The following BRIP1 variants were observed in gnomAD, a reference collection of about 807,000 sequenced individuals.
BRIP1 encodes BRCA1 interacting DNA helicase 1.
BRIP1 carries 88 observed loss-of-function variants against 119.7 expected under a neutral mutation model. The observed-to-expected ratio is 0.74, with a 90% CI of 0.62 to 0.88. The LOEUF is 0.88. Among genes scored for constraint, BRIP1 ranks in the 40% least tolerant of loss-of-function variants. BRIP1 has a pLI of 0.00. For missense variants in BRIP1, 1,259 were observed against 1,455.4 expected (o/e 0.87, Z 2.20); for synonymous variants, 443 against 496.5 (o/e 0.89, Z 1.43).
In BRIP1 at chr17:61,691,863, A is replaced by C. The variant is rs2061451400; in HGVS notation, c.2575+1567T>G. Among the ~76,000 whole-genome samples, 2 of 152,362 alleles carry C rather than the reference A, an allele frequency of 1.3e-5. No homozygotes were observed. The highest frequency in any genetic ancestry group is 4.1e-4 in the South Asian group (2 of 4,828). ...ACCTCCCGATTATAAAATACATTAC[A>C]CAGCTGTAGTAGTCAAAAAAGTATG... is the stretch of plus-strand genomic sequence containing the variant. On this transcript the variant is annotated intron_variant, in intron 18 of 19. Transcript: ENST00000259008. The surrounding 1 kb of genome is among the most constrained non-coding windows in gnomAD (Gnocchi z 5.0).
rs566568039 is a variant in BRIP1 at position 61,824,346 on chromosome 17, C to T, written c.628-15589G>A. 6.6e-6 allele frequency among the ~76,000 whole-genome samples: 1 copy of T among 152,204 alleles called. No individual in the cohort carries two copies. Among genetic ancestry groups the T allele is most frequent in the South Asian group, 2.1e-4 (1 of 4,826 alleles). On this transcript the variant is annotated intron_variant, in intron 6 of 19. Coordinates refer to ENST00000259008, the MANE Select transcript of BRIP1 (RefSeq NM_032043.3). This position sits in a 1 kb window ranked among gnomAD's most constrained non-coding sequence, Gnocchi z 4.3. The stretch of plus-strand genomic sequence containing the variant: ...ATTCACATGGATTCTCAAGGAACCC[C>T]GAATAACCACAATAATCTTGAAAAA...
rs2077517930 is a variant in BRIP1, at chr17:61,775,400, G to A, written c.2097+1001C>T. 6.6e-6 allele frequency among the ~76,000 whole-genome samples: 1 copy of A among 152,102 alleles called. No individual in the cohort carries two copies. Among genetic ancestry groups the A allele is most frequent in the South Asian group, 2.1e-4 (1 of 4,826 alleles). On this transcript the variant is annotated intron_variant, in intron 14 of 19. Transcript: ENST00000259008. The surrounding 1 kb of genome is among the most constrained non-coding windows in gnomAD (Gnocchi z 4.4). ...ATATATATAAAAAGACAGTAGAAGA[G>A]TCAAAAGTATCAATATTGTCATTCA... is the stretch of plus-strand genomic sequence containing the variant.
Position 61,759,303 on chromosome 17 carries a change from G to A in BRIP1, c.2098-14712C>T, listed in dbSNP as rs2077243725. Among the ~76,000 whole-genome samples, 1 of 151,992 alleles carries A rather than the reference G, an allele frequency of 6.6e-6. No homozygotes were observed. Among genetic ancestry groups the A allele is most frequent in the African/African-American group, 2.4e-5 (1 of 41,478 alleles). ...ACTTACATAAGACAAAATAGACTAA[G>A]TCAAATACTGTAAAAAGAAACAACG... On this transcript the variant is annotated intron_variant, in intron 14 of 19. Coordinates refer to ENST00000259008, the MANE Select transcript of BRIP1 (RefSeq NM_032043.3). The surrounding 1 kb of genome is among the most constrained non-coding windows in gnomAD (Gnocchi z 4.9).
At chr17:61,719,653 A>T (rs2061939580) in intron 16 of BRIP1, among the ~76,000 whole-genome samples, 1 of 151,430 alleles carries the variant, frequency 6.6e-6, no homozygotes, top group African/African-American at 2.4e-5. Flanking sequence ...TGAACCCAGG[A>T]GGCGGAGGTT....
rs2144807903 is a variant in BRIP1, at chr17:61,756,985, T to G, written c.2098-12394A>C. Among the ~76,000 whole-genome samples, 1 of 152,354 alleles carries G rather than the reference T, an allele frequency of 6.6e-6. No homozygotes were observed. Among genetic ancestry groups the G allele is most frequent in the East Asian group, 1.9e-4 (1 of 5,186 alleles). On this transcript the variant is annotated intron_variant, in intron 14 of 19. Coordinates refer to ENST00000259008, the MANE Select transcript of BRIP1 (RefSeq NM_032043.3). This position sits in a 1 kb window ranked among gnomAD's most constrained non-coding sequence, Gnocchi z 4.3. The stretch of plus-strand genomic sequence containing the variant: ...AATCTTACTCACATAATTTATTTCA[T>G]AAGTAGAACCTGGTATATTTTTCCA...
rs561748464 is a variant in BRIP1, at chr17:61,799,704, T to C, written c.1141-405A>G. Among the ~76,000 whole-genome samples the C allele has an allele frequency of 1.1e-4, 16 of 152,144 alleles. No homozygotes were observed. The East Asian group carries it at 1.5e-3, about 15-fold the overall frequency. ...ATTAAAAGCATAAGACCTTTAAAAGTAAAATAACAATACAAGATTAAAAGC... is the reference window on the plus strand; with the variant it reads ...ATTAAAAGCATAAGACCTTTAAAAGCAAAATAACAATACAAGATTAAAAGC... On this transcript the variant is annotated intron_variant, in intron 8 of 19. Transcript: ENST00000259008. The surrounding 1 kb of genome is among the most constrained non-coding windows in gnomAD (Gnocchi z 5.1).
rs1056828398 is a variant in BRIP1, at chr17:61,810,572, T to C, written c.628-1815A>G. 1.3e-5 allele frequency among the ~76,000 whole-genome samples: 2 copies of C among 152,228 alleles called. No individual in the cohort carries two copies. Among genetic ancestry groups the C allele is most frequent in the South Asian group, 2.1e-4 (1 of 4,836 alleles). On this transcript the variant is annotated intron_variant, in intron 6 of 19. Transcript: ENST00000259008. This position sits in a 1 kb window ranked among gnomAD's most constrained non-coding sequence, Gnocchi z 4.7. ...AATGCTATGGCCCAATGCACTGTTA[T>C]GTACTATATAGATACATTCTATCTA...
At chr17:61,785,542 A>G (rs187253367) in intron 10 of BRIP1, among the ~76,000 whole-genome samples, 1 of 152,318 alleles carries the variant, frequency 6.6e-6, no homozygotes, top group African/African-American at 2.4e-5. Flanking sequence ...ATACAAATCT[A>G]TAAGAGTAAA....
intron 17 of BRIP1, among the ~76,000 whole-genome samples, chr17:61,711,157 A>C (rs1378023371): frequency 6.6e-6 from 1 of 152,160 alleles, no homozygotes; most frequent in Non-Finnish European, 1.5e-5. Context: ...GAATCAAATG[A>C]GATAATATAT....
At position 61,744,292 on chromosome 17, in the gene BRIP1, C is replaced by A. The variant is rs2077027178; in HGVS notation, c.2257+140G>T. On this transcript the variant is annotated intron_variant, in intron 15 of 19. Transcript: ENST00000259008. The surrounding 1 kb of genome is among the most constrained non-coding windows in gnomAD (Gnocchi z 5.0). Reference sequence around the variant, plus strand: ...AAGTACAATTAAAAGAATTTCTTTACCCAATTTATTTTCTTTTCACTCAGG... The same window carrying A: ...AAGTACAATTAAAAGAATTTCTTTAACCAATTTATTTTCTTTTCACTCAGG... 1.1e-6 allele frequency: 1 copy of A among 919,562 alleles called. No individual in the cohort carries two copies. 57.0% of individuals were successfully genotyped at this position (919,562 alleles called of 1,614,324 possible). A position where few individuals can be genotyped will look rare whatever the true frequency, so the allele number is the denominator to read the frequency against.
rs780863136 is a variant in BRIP1, at chr17:61,860,237, G to T, written c.94-330C>A. 1.2e-4 allele frequency among the ~76,000 whole-genome samples: 18 copies of T among 152,238 alleles called. No individual in the cohort carries two copies. Among genetic ancestry groups the T allele is most frequent in the Admixed American group, 2.6e-4 (4 of 15,290 alleles). ...GAAAACTTAATGAAGGATACTGCTA[G>T]TGAGAGTACAAATTGTTACAACTAC... On this transcript the variant is annotated intron_variant, in intron 2 of 19. Coordinates refer to ENST00000259008, the MANE Select transcript of BRIP1 (RefSeq NM_032043.3). This position sits in a 1 kb window ranked among gnomAD's most constrained non-coding sequence, Gnocchi z 4.1.
rs1174391683 is a variant in BRIP1 at position 61,846,620 on chromosome 17, C to G, written c.627+481G>C. 3.3e-5 allele frequency among the ~76,000 whole-genome samples: 5 copies of G among 152,160 alleles called. No individual in the cohort carries two copies. Among genetic ancestry groups the G allele is most frequent in the African/African-American group, 7.2e-5 (3 of 41,426 alleles). Reference sequence around the variant, plus strand: ...CAGGCTGGTTTCAAACTCGTGAACTCAAGTGATCCACCCGCCTTGGCCTCC... The same window carrying G: ...CAGGCTGGTTTCAAACTCGTGAACTGAAGTGATCCACCCGCCTTGGCCTCC... On this transcript the variant is annotated intron_variant, in intron 6 of 19. Transcript: ENST00000259008. The surrounding 1 kb of genome is among the most constrained non-coding windows in gnomAD (Gnocchi z 4.3).
In BRIP1 at chr17:61,684,285, A is replaced by T. The variant is rs925680780; in HGVS notation, c.2906-145T>A. ...CCCCAACGAATACTAGTGGATTTTC[A>T]TCTTGGAACAGAATATTAACTCTGA... On this transcript the variant is annotated intron_variant, in intron 19 of 19. Coordinates refer to ENST00000259008, the MANE Select transcript of BRIP1 (RefSeq NM_032043.3). The surrounding 1 kb of genome is among the most constrained non-coding windows in gnomAD (Gnocchi z 4.5). 1.1e-6 allele frequency: 1 copy of T among 930,828 alleles called. No homozygotes were observed. Among genetic ancestry groups the T allele is most frequent in the African/African-American group, 1.7e-5 (1 of 59,722 alleles). 57.7% of individuals were successfully genotyped at this position (930,828 alleles called of 1,614,324 possible).
Position 61,809,079 on chromosome 17 carries a change from G to A in BRIP1, c.628-322C>T, listed in dbSNP as rs1177537410. ...TAAATTATAAAAATGATAAAACAAA[G>A]TAGGAACAATTTTAATTTTTTCTTA... On this transcript the variant is annotated intron_variant, in intron 6 of 19. Coordinates refer to ENST00000259008, the MANE Select transcript of BRIP1 (RefSeq NM_032043.3). The surrounding 1 kb of genome is among the most constrained non-coding windows in gnomAD (Gnocchi z 5.2). Among the ~76,000 whole-genome samples the A allele has an allele frequency of 6.6e-6, 1 of 152,056 alleles. No homozygotes were observed. The highest frequency in any genetic ancestry group is 2.4e-5 in the African/African-American group (1 of 41,402).
intron 16 of BRIP1, among the ~76,000 whole-genome samples, chr17:61,731,859 T>C (rs1000558190): frequency 1.3e-5 from 2 of 151,350 alleles, no homozygotes; most frequent in Non-Finnish European, 2.9e-5. Context: ...AACTGTGTTG[T>C]GTATCACTCT....
In BRIP1 at chr17:61,802,160, G is replaced by A. The variant is rs1446224816; in HGVS notation, c.919-686C>T. Among the ~76,000 whole-genome samples the A allele has an allele frequency of 2.6e-5, 4 of 152,070 alleles. No individual in the cohort carries two copies. Among genetic ancestry groups the A allele is most frequent in the African/African-American group, 4.8e-5 (2 of 41,388 alleles). On this transcript the variant is annotated intron_variant, in intron 7 of 19. Coordinates refer to ENST00000259008, the MANE Select transcript of BRIP1 (RefSeq NM_032043.3). This position sits in a 1 kb window ranked among gnomAD's most constrained non-coding sequence, Gnocchi z 6.0. Reference sequence around the variant, plus strand: ...GTGTATATAAGGATATCTCTACAATGTGACCCAATATTAAAATAACAAGAA... The same window carrying A: ...GTGTATATAAGGATATCTCTACAATATGACCCAATATTAAAATAACAAGAA...
rs150599048 is a variant in BRIP1 at position 61,697,853 on chromosome 17, T to C, written c.2493-4341A>G. Among the ~76,000 whole-genome samples the C allele has an allele frequency of 8.6e-4, 131 of 152,220 alleles. No homozygotes were observed. In the East Asian group the frequency reaches 0.021, roughly 24 times the overall value. On this transcript the variant is annotated intron_variant, in intron 17 of 19. Coordinates refer to ENST00000259008, the MANE Select transcript of BRIP1 (RefSeq NM_032043.3). ...CAGAGTCTCGCTCTGTCAGCCAGGA[T>C]GGAGTGCAGTGGCATGATCTCAGCT...
Position 61,761,932 on chromosome 17 carries a change from A to G in BRIP1, c.2097+14469T>C, listed in dbSNP as rs1407744232. On this transcript the variant is annotated intron_variant, in intron 14 of 19. Transcript: ENST00000259008. This position sits in a 1 kb window ranked among gnomAD's most constrained non-coding sequence, Gnocchi z 6.4. ...ATCCTAAATTTCATATAGAGCCACA[A>G]GAAGCTTTGAATAGCCATGGCAGTC... is the stretch of plus-strand genomic sequence containing the variant. Among the ~76,000 whole-genome samples, 1 of 152,122 alleles carries G rather than the reference A, an allele frequency of 6.6e-6. No homozygotes were observed.
rs2078368315 is a variant in BRIP1, at chr17:61,824,066, C to CA, written c.628-15310dup. Reference sequence around the variant, plus strand: ...CTGACCTCAGGTGATCCACCCGCCTCAGCCTCCCAAAGTGCTGGGATTACA... The same window carrying CA: ...CTGACCTCAGGTGATCCACCCGCCTCAAGCCTCCCAAAGTGCTGGGATTACA... On this transcript the variant is annotated intron_variant, in intron 6 of 19. Transcript: ENST00000259008. This position sits in a 1 kb window ranked among gnomAD's most constrained non-coding sequence, Gnocchi z 4.3. Among the ~76,000 whole-genome samples the CA allele has an allele frequency of 1.3e-5, 2 of 152,212 alleles. No individual in the cohort carries two copies.
Sources: gnomAD v4.1 joint callset for allele counts (sites outside exome capture counted in the v4.1 genomes callset) on GRCh38, gnomAD v4.1.1 for gene constraint, Gnocchi (gnomAD v3.1) non-coding constraint, MANE v1.5 for transcripts, NCBI Gene and HGNC (gene_info 2026-07-23, HGNC 2026-07-21) for gene names.